Variants in CRB1 observed in about 807,000 individuals in gnomAD.
CRB1 encodes protein crumbs homolog 1.
In CRB1, 83 loss-of-function variants were observed where a neutral mutation model predicts 120.0. That is an observed-to-expected ratio of 0.69 (90% CI 0.58 to 0.83). The LOEUF is 0.83. Ranked by LOEUF, CRB1 falls within the 40% of genes least tolerant of loss-of-function variation. CRB1 has a pLI of 0.00. For synonymous variants in CRB1, 625 were observed against 612.5 expected (o/e 1.02, Z -0.30); for missense variants, 1,699 against 1,687.6 (o/e 1.01, Z -0.12).
chr1:197,412,460 C>T (rs747533267), intron 5 of CRB1, among the ~76,000 whole-genome samples: 1 of 152,056 alleles, frequency 6.6e-6, no homozygotes, highest in Non-Finnish European at 1.5e-5. Flanking sequence ...ATCAAAGCTC[C>T]GATTAATATA....
intron 5 of CRB1, among the ~76,000 whole-genome samples, chr1:197,402,048 T>C (rs1663092956): frequency 6.6e-6 from 1 of 152,184 alleles, no homozygotes; most frequent in Non-Finnish European, 1.5e-5. Context: ...TTTGTTTTCT[T>C]TTTAACTTTT....
At chr1:197,446,484 A>G (rs999889829) in intron 11 of CRB1, among the ~76,000 whole-genome samples, 1 of 152,206 alleles carries the variant, frequency 6.6e-6, no homozygotes, top group Non-Finnish European at 1.5e-5. Flanking sequence ...AAGAAGCAGG[A>G]GTAAGCCCTT....
intron 5 of CRB1, among the ~76,000 whole-genome samples, chr1:197,397,318 A>G (rs1278042495): frequency 1.3e-5 from 2 of 152,106 alleles, no homozygotes; most frequent in African/African-American, 4.8e-5. Flanking sequence ...ATAATCGACA[A>G]TACCAAATGC....
intron 4 of CRB1, among the ~76,000 whole-genome samples, chr1:197,354,761 A>G (rs1358367973): frequency 3.9e-5 from 5 of 127,448 alleles, no homozygotes; most frequent in African/African-American, 5.7e-5. Context: ...ACATGACCTC[A>G]GCACGTTGCC....
the CRB1 span, among the ~76,000 whole-genome samples, chr1:197,241,923 A>G: frequency 1.3e-5 from 2 of 152,026 alleles, no homozygotes; most frequent in African/African-American, 4.8e-5. Context: ...TGCAAGTTGT[A>G]TTCCTAGGTA....
At chr1:197,354,718 A>G (rs1256314761) in intron 4 of CRB1, among the ~76,000 whole-genome samples, 5 of 147,928 alleles carry the variant, frequency 3.4e-5, no homozygotes. Context: ...AGTTATTTCA[A>G]CAAGCAAAAG....
chr1:197,363,904 C>T (rs933027065), intron 5 of CRB1: 2 of 1,209,086 alleles, frequency 1.7e-6, no homozygotes, highest in Admixed American at 1.7e-5. Context: ...AAACAGAATC[C>T]TCACTACGGA....
intron 1 of CRB1, among the ~76,000 whole-genome samples, chr1:197,311,696 TTA>T (rs1454014504): frequency 2.2e-4 from 25 of 113,790 alleles, no homozygotes; most frequent in African/African-American, 8.2e-4. Flanking sequence ...CCTCATATAG[TTA>T]GTGTGTGTGT....
intron 11 of CRB1, among the ~76,000 whole-genome samples, chr1:197,450,804 A>G (rs1338253359): frequency 6.9e-6 from 1 of 144,866 alleles, no homozygotes; most frequent in East Asian, 2.0e-4. Context: ...AAAAAAAAAA[A>G]AAAAAATTAG....
chr1:197,297,366 T>C (rs1305097837), intron 1 of CRB1, among the ~76,000 whole-genome samples: 1 of 152,006 alleles, frequency 6.6e-6, no homozygotes, highest in Non-Finnish European at 1.5e-5. Context: ...GATTTTTTGG[T>C]TAATTGAATG....
chr1:197,231,113 G>A, the CRB1 span, among the ~76,000 whole-genome samples: 6 of 152,200 alleles, frequency 3.9e-5, no homozygotes, highest in African/African-American at 9.6e-5. Flanking sequence ...GTTGGTTCTT[G>A]TATGAAGACA....
At position 197,328,680 on chromosome 1, in the gene CRB1, C is replaced by G. The variant is rs142514137; in HGVS notation, c.329C>G (p.Thr110Ser). 1.2e-6 allele frequency: 2 copies of G among 1,613,798 alleles called. No individual in the cohort carries two copies. The highest frequency in any genetic ancestry group is 1.7e-6 in the Non-Finnish European group (2 of 1,179,682). Reference protein sequence around the residue: ...PGYSGTICETTIGSCGKNSCQ... With the variant: ...PGYSGTICETSIGSCGKNSCQ... ...TACAGTGGGACAATCTGTGAAACTA[C>G]CATTGGTTCCTGTGGCAAGAACTCC... Residue 110 changes from threonine (T) to serine (S), a missense_variant, in exon 2 of 12, where the codon ACC becomes AGC. Coordinates refer to ENST00000367400, the MANE Select transcript of CRB1 (RefSeq NM_201253.3).
intron 10 of CRB1, chr1:197,439,789 G>C (rs954019076): frequency 6.6e-6 from 1 of 152,116 alleles, no homozygotes; most frequent in African/African-American, 2.4e-5. Flanking sequence ...ATATGTGAGT[G>C]CTCCCTGGCA....
At chr1:197,349,337 A>G (rs765635066) in intron 4 of CRB1, among the ~76,000 whole-genome samples, 20 of 152,372 alleles carry the variant, frequency 1.3e-4, no homozygotes, top group Non-Finnish European at 5.9e-5. Flanking sequence ...CTTACTTCTC[A>G]GAACAAATGT....
chr1:197,327,407 T>A (rs1310303072), intron 1 of CRB1, among the ~76,000 whole-genome samples: 1 of 152,212 alleles, frequency 6.6e-6, no homozygotes, highest in African/African-American at 2.4e-5. Flanking sequence ...TGTTCTTCCC[T>A]GAAAGTCTTG....
chr1:197,405,286 C>A (rs984888364), intron 5 of CRB1, among the ~76,000 whole-genome samples: 7 of 152,122 alleles, frequency 4.6e-5, no homozygotes, highest in African/African-American at 1.4e-4. Context: ...CTGTGTTGGC[C>A]GGGCTGGTCT....
At chr1:197,438,729 A>T in intron 10 of CRB1, 54 bp downstream of exon 10, 1 of 1,601,626 alleles carries the variant, frequency 6.2e-7, no homozygotes, top group Non-Finnish European at 8.5e-7. Context: ...GAATGATGGG[A>T]TTACTCAAAG....
chr1:197,453,363 C>CATAATTAAATTATAT (rs1244837120), intron 11 of CRB1, among the ~76,000 whole-genome samples: 1 of 145,424 alleles, frequency 6.9e-6, no homozygotes, highest in Non-Finnish European at 1.5e-5. Context: ...AATTAATATA[C>CATAATTAAATTATAT]ATAATTAAAT....
chr1:197,290,602 A>G (rs1334742073), intron 1 of CRB1, among the ~76,000 whole-genome samples: 2 of 151,644 alleles, frequency 1.3e-5, no homozygotes, highest in Non-Finnish European at 2.9e-5. Context: ...CAGACACAGT[A>G]TGAACGTCCA....
Sources: allele counts gnomAD v4.1 joint callset (sites outside exome capture counted in the v4.1 genomes callset), GRCh38; gene constraint gnomAD v4.1.1; transcripts MANE v1.5; gene names NCBI Gene and HGNC (gene_info 2026-07-23, HGNC 2026-07-21).